The following IL17D variants were observed in gnomAD, a reference collection of about 807,000 sequenced individuals.
IL17D encodes interleukin-17D.
A neutral mutation model predicts 5.7 loss-of-function variants in IL17D; 10 were observed. That is an observed-to-expected ratio of 1.75 (90% confidence interval 1.08 to 2.97). The LOEUF (loss-of-function observed/expected upper bound fraction) is 2.97, where lower values mean the gene tolerates loss of function less well. Among genes scored for constraint, IL17D ranks in the 30% most tolerant of loss-of-function variants. The probability of loss-of-function intolerance (pLI) is 0.00; values close to 1 mark genes in which losing one functional copy is unlikely to be tolerated. For missense variants in IL17D, 354 were observed against 292.7 expected (o/e 1.21, Z -1.53); for synonymous variants, 172 against 141.7 (o/e 1.21, Z -1.52).
chr13:20,719,053 C>CCA (rs1228924902), intron 1 of IL17D, among the ~76,000 whole-genome samples: 3 of 143,610 alleles, frequency 2.1e-5, no homozygotes, highest in African/African-American at 7.8e-5. Context: ...CACACCTGGC[C>CCA]CACACACACC....
intron 1 of IL17D, among the ~76,000 whole-genome samples, chr13:20,719,152 C>T (rs774019809): frequency 1.3e-4 from 20 of 149,184 alleles, no homozygotes; most frequent in South Asian, 8.6e-4. Context: ...TCCACACTTA[C>T]GCACACCTGC....
chr13:20,709,731 C>G (rs2058619607), intron 1 of IL17D, among the ~76,000 whole-genome samples: 1 of 152,098 alleles, frequency 6.6e-6, no homozygotes, highest in African/African-American at 2.4e-5. Context: ...GCACATATTC[C>G]TTATTTCAAA....
chr13:20,713,199 G>A (rs908159302), intron 1 of IL17D: 1 of 152,252 alleles, frequency 6.6e-6, no homozygotes, highest in Non-Finnish European at 1.5e-5. Context: ...TTAGAGAAAG[G>A]AAGAGTGAAG....
At position 20,710,106 on chromosome 13, in the gene IL17D, C is replaced by G. The variant is rs139152324; in HGVS notation, c.290+5815C>G. Among the ~76,000 whole-genome samples, 613 of 152,312 alleles carry G rather than the reference C, an allele frequency of 4.0e-3. 4 individuals are homozygous for G. Among genetic ancestry groups the G allele is most frequent in the Non-Finnish European group, 5.6e-3 (383 of 68,028 alleles). ...TCCCACCCAGTGTGCTGTTAGAAAA[C>G]AACATTCAGCTTCCAGAATACAAAA... is the stretch of plus-strand genomic sequence containing the variant. On this transcript the variant is annotated intron_variant, in intron 1 of 1. Transcript: ENST00000682841.
chr13:20,715,680 G>A (rs2058673594), intron 1 of IL17D, among the ~76,000 whole-genome samples: 1 of 152,078 alleles, frequency 6.6e-6, no homozygotes, highest in Non-Finnish European at 1.5e-5. Flanking sequence ...CTGAGAATTT[G>A]CATTAAAAAT....
Position 20,703,960 on chromosome 13 carries a change from G to A in IL17D, c.-42G>A. 1 of 992,180 alleles carries A rather than the reference G, an allele frequency of 1.0e-6. No individual in the cohort carries two copies. 61.5% of individuals were successfully genotyped at this position (992,180 alleles called of 1,614,324 possible). A position where few individuals can be genotyped will look rare whatever the true frequency, so the allele number is the denominator to read the frequency against. ...GCGCGGGGCGCAGGCGGGCTCCTCCGGCGCGTGCGGACGCTGAGCGTGGCC... is the reference window on the plus strand; with the variant it reads ...GCGCGGGGCGCAGGCGGGCTCCTCCAGCGCGTGCGGACGCTGAGCGTGGCC... On this transcript the variant is annotated 5_prime_UTR_variant, in exon 1 of 2. Transcript: ENST00000682841.
In IL17D at chr13:20,718,764, ACCCG is replaced by A. The variant is rs2058705259; in HGVS notation, c.291-2868_291-2865del. On this transcript the variant is annotated intron_variant, in intron 1 of 1. Coordinates refer to ENST00000682841, the MANE Select transcript of IL17D (RefSeq NM_001385224.1). ...CACACACACCTGCCTGTGCTCACAC[ACCCG>A]CCCATGCTCACACACCCACACACAC... Among the ~76,000 whole-genome samples the A allele has an allele frequency of 3.1e-5, 4 of 127,976 alleles. No individual in the cohort carries two copies. The Admixed American group carries it at 3.3e-4, about 10-fold the overall frequency. The allele number at this position is 127,976 out of a possible 152,430, so 84.0% of individuals were successfully genotyped here.
At chr13:20,719,131 CCA>C (rs1469241466) in intron 1 of IL17D, among the ~76,000 whole-genome samples, 1 of 148,956 alleles carries the variant, frequency 6.7e-6, no homozygotes, top group African/African-American at 2.5e-5. Flanking sequence ...CCACACTCAT[CCA>C]CACACCTATC....
intron 1 of IL17D, among the ~76,000 whole-genome samples, chr13:20,706,524 T>G (rs911595523): frequency 6.6e-6 from 1 of 152,248 alleles, no homozygotes; most frequent in African/African-American, 2.4e-5. Flanking sequence ...TGGCTTGGGT[T>G]GTTGATGGTA....
rs1434679564 is a variant in IL17D, at chr13:20,721,895, A to G, written c.550A>G (p.Ile184Val). ...GGACGCAGACAGCATCAACTCCAGC[A>G]TCGACAAACAGGGCGCCAAGCTCCT... ...EKDADSINSS[I>V]DKQGAKLLLG... Residue 184 changes from isoleucine (I) to valine (V), a missense_variant, in exon 2 of 2, where the codon ATC (isoleucine) becomes GTC (valine). By Grantham distance (29) the Ile-to-Val change is conservative (BLOSUM62 3). Transcript: ENST00000682841. The G allele has an allele frequency of 1.2e-6, 2 of 1,608,496 alleles. No homozygotes were observed. The highest frequency in any genetic ancestry group is 8.5e-7 in the Non-Finnish European group (1 of 1,179,470).
At chr13:20,708,707 G>A in intron 1 of IL17D, among the ~76,000 whole-genome samples, 1 of 151,708 alleles carries the variant, frequency 6.6e-6, no homozygotes. Context: ...AGTAAGAAAA[G>A]GACCAGTGAC....
In IL17D at chr13:20,722,014, C is replaced by G; in HGVS notation, c.*60C>G. The G allele has an allele frequency of 7.1e-7, 1 of 1,408,450 alleles. No individual in the cohort carries two copies. The highest frequency in any genetic ancestry group is 9.4e-7 in the Non-Finnish European group (1 of 1,062,024). 87.2% of individuals were successfully genotyped at this position (1,408,450 alleles called of 1,614,324 possible). A position where few individuals can be genotyped will look rare whatever the true frequency, so the allele number is the denominator to read the frequency against. ...CATCCCGAGGCGCCCAAGCTGGAGC[C>G]GCCTGGAGGGCTCGGTCGGCGACCT... On this transcript the variant is annotated 3_prime_UTR_variant, in exon 2 of 2. Coordinates refer to ENST00000682841, the MANE Select transcript of IL17D (RefSeq NM_001385224.1).
intron 1 of IL17D, among the ~76,000 whole-genome samples, chr13:20,708,765 C>A (rs374800076): frequency 1.3e-5 from 2 of 148,252 alleles, no homozygotes; most frequent in African/African-American, 5.0e-5. Flanking sequence ...TTTGGGAGGC[C>A]GAGGCAGGAG....
rs1350371025 is a variant in IL17D at position 20,721,626 on chromosome 13, C to T, written c.291-10C>T. 19 of 1,583,578 alleles carry T rather than the reference C, an allele frequency of 1.2e-5. 1 individual carries two copies. The highest frequency in any genetic ancestry group is 1.5e-5 in the Non-Finnish European group (17 of 1,162,368). ...CCAGGCGTGACCTCACCCGTGCTCT[C>T]TCCCTGCAGAATCTCCTACGACCCG... On this transcript the variant is annotated splice_polypyrimidine_tract_variant and intron_variant, in intron 1 of 1. Coordinates refer to ENST00000682841, the MANE Select transcript of IL17D (RefSeq NM_001385224.1).
upstream of IL17D, chr13:20,703,481 A>C: frequency 2.1e-6 from 2 of 960,868 alleles, no homozygotes; most frequent in Non-Finnish European, 2.5e-6. Context: ...CTCGCGGAAA[A>C]GCGGGCCGCG....
intron 1 of IL17D, among the ~76,000 whole-genome samples, chr13:20,705,312 G>A (rs548739316): frequency 6.6e-6 from 1 of 152,062 alleles, no homozygotes; most frequent in South Asian, 2.1e-4. Flanking sequence ...AGGCGAGCGG[G>A]GGCGGTGGGG....
At chr13:20,718,914 A>C (rs531894169) in intron 1 of IL17D, among the ~76,000 whole-genome samples, 9 of 129,240 alleles carry the variant, frequency 7.0e-5, no homozygotes, top group African/African-American at 2.7e-4. Flanking sequence ...GCCCATGCTC[A>C]CACACCAACA....
intron 1 of IL17D, among the ~76,000 whole-genome samples, chr13:20,718,178 C>T (rs965356511): frequency 1.3e-5 from 2 of 152,132 alleles, no homozygotes. Context: ...AAAACCACAT[C>T]TCACGTGTGT....
chr13:20,701,673 T>A (rs1167751023), upstream of IL17D: 1 of 152,218 alleles, frequency 6.6e-6, no homozygotes, highest in Non-Finnish European at 1.5e-5. Flanking sequence ...GTTCCCTTTT[T>A]TTCACTTGTA....
Sources: gnomAD v4.1 joint callset for allele counts (sites outside exome capture counted in the v4.1 genomes callset) on GRCh38, gnomAD v4.1.1 for gene constraint, MANE v1.5 for transcripts, NCBI Gene and HGNC (gene_info 2026-07-23, HGNC 2026-07-21) for gene names.